Variants in FEM1B observed in about 807,000 individuals in gnomAD.
FEM1B encodes protein fem-1 homolog B.
FEM1B carries 10 observed loss-of-function variants against 38.6 expected under a neutral mutation model. The ratio of observed to expected loss-of-function variants is 0.26; its 90% confidence interval spans 0.16 to 0.44. The LOEUF (loss-of-function observed/expected upper bound fraction) is 0.44. Among genes scored for constraint, FEM1B ranks in the 20% least tolerant of loss-of-function variants. The pLI, the probability that FEM1B is intolerant of heterozygous loss-of-function variation, is 1.00. For missense variants in FEM1B, 471 were observed against 786.7 expected (o/e 0.60, Z 4.80); for synonymous variants, 288 against 288.0 (o/e 1.00, Z 0.00).
Position 68,295,030 on chromosome 15 carries a change from G to A in FEM1B, c.*3788G>A, listed in dbSNP as rs183415859. 6.6e-6 allele frequency: 1 copy of A among 152,102 alleles called. No individual in the cohort carries two copies. The highest frequency in any genetic ancestry group is 2.4e-5 in the African/African-American group (1 of 41,410). The allele number at this position is 152,102 out of a possible 1,614,324, so 9.4% of individuals were successfully genotyped here. On this transcript the variant is annotated 3_prime_UTR_variant, in exon 2 of 2. Coordinates refer to ENST00000306917, the MANE Select transcript of FEM1B (RefSeq NM_015322.5). Reference sequence around the variant, plus strand: ...ACTTGCCCAAATCTTTAGATGGGCTGGGTTATACAGCATGCCCTCCCCCAA... The same window carrying A: ...ACTTGCCCAAATCTTTAGATGGGCTAGGTTATACAGCATGCCCTCCCCCAA...
rs539758509 is a variant in FEM1B at position 68,285,373 on chromosome 15, T to C, written c.249-4234T>C. Among the ~76,000 whole-genome samples the C allele has an allele frequency of 2.0e-5, 3 of 152,360 alleles. No individual in the cohort carries two copies. The South Asian group carries it at 6.2e-4, about 32-fold the overall frequency. ...CATTTGCATTTAGTTATCTGGTATATATCAAGGAGTGGAATTGCTGGGTCA... is the reference window on the plus strand; with the variant it reads ...CATTTGCATTTAGTTATCTGGTATACATCAAGGAGTGGAATTGCTGGGTCA... On this transcript the variant is annotated intron_variant, in intron 1 of 1. Transcript: ENST00000306917.
chr15:68,278,750 C>T lies in FEM1B; in HGVS notation c.248+85C>T, dbSNP rs900960177. The T allele has an allele frequency of 6.6e-5, 99 of 1,508,800 alleles. No individual in the cohort carries two copies. Among genetic ancestry groups the T allele is most frequent in the Non-Finnish European group, 8.2e-5 (90 of 1,096,072 alleles). The allele number at this position is 1,508,800 out of a possible 1,614,324, so 93.5% of individuals were successfully genotyped here. ...CTCCCCTCCCTCACCCTCTCTTACC[C>T]TCTCTTCATGTAGGTACTCACTTCT... is the stretch of plus-strand genomic sequence containing the variant. On this transcript the variant is annotated intron_variant, in intron 1 of 1. Coordinates refer to ENST00000306917, the MANE Select transcript of FEM1B (RefSeq NM_015322.5). This position sits in a 1 kb window ranked among gnomAD's most constrained non-coding sequence, Gnocchi z 5.7.
At position 68,290,468 on chromosome 15, in the gene FEM1B, C is replaced by G; in HGVS notation, c.1110C>G (p.Ala370=). 3 of 1,614,086 alleles carry G rather than the reference C, an allele frequency of 1.9e-6. No individual in the cohort carries two copies. Among genetic ancestry groups the G allele is most frequent in the Non-Finnish European group, 2.5e-6 (3 of 1,179,998 alleles). ...FEQCIKLWLH[A]LHLRQKGNRN... is the part of the protein sequence containing the mutation. ...AGTGTATCAAGTTGTGGCTTCATGC[C>G]CTGCACCTCAGACAAAAAGGTAACA... Residue 370 remains alanine, a synonymous_variant, in exon 2 of 2, where the codon GCC becomes GCG. Coordinates refer to ENST00000306917, the MANE Select transcript of FEM1B (RefSeq NM_015322.5). The surrounding 1 kb of genome is among the most constrained non-coding windows in gnomAD (Gnocchi z 9.7).
At position 68,277,822 on chromosome 15, in the gene FEM1B, C is replaced by G. The variant is rs146502335; in HGVS notation, c.-596C>G. 1 of 152,298 alleles carries G rather than the reference C, an allele frequency of 6.6e-6. No individual in the cohort carries two copies. Among genetic ancestry groups the G allele is most frequent in the Non-Finnish European group, 1.5e-5 (1 of 68,070 alleles). The allele number at this position is 152,298 out of a possible 1,614,324, so 9.4% of individuals were successfully genotyped here. On this transcript the variant is annotated 5_prime_UTR_variant, in exon 1 of 2. Transcript: ENST00000306917. ...CGGCGCCGCTCTTGCGGGAGCGTTC[C>G]GCATCGCCCCGGGGGCCCCTACGCG...
chr15:68,286,782 A>G (rs1018124802), intron 1 of FEM1B, among the ~76,000 whole-genome samples: 1 of 138,156 alleles, frequency 7.2e-6, no homozygotes, highest in Non-Finnish European at 1.6e-5. Context: ...TTACATAATC[A>G]TGACAATAAA....
Position 68,286,757 on chromosome 15 carries a change from A to G in FEM1B, c.249-2850A>G, listed in dbSNP as rs116437536. Reference sequence around the variant, plus strand: ...AAGTGTTATTTTTTGACAATAAATAAATGTTTATTGAACTTTACATAATCA... The same window carrying G: ...AAGTGTTATTTTTTGACAATAAATAGATGTTTATTGAACTTTACATAATCA... On this transcript the variant is annotated intron_variant, in intron 1 of 1. Coordinates refer to ENST00000306917, the MANE Select transcript of FEM1B (RefSeq NM_015322.5). Among the ~76,000 whole-genome samples the G allele has an allele frequency of 1.6e-3, 245 of 152,022 alleles. 1 individual carries two copies. Among genetic ancestry groups the G allele is most frequent in the African/African-American group, 5.6e-3 (230 of 41,306 alleles).
At chr15:68,279,566 A>G (rs941137312) in intron 1 of FEM1B, among the ~76,000 whole-genome samples, 8 of 152,184 alleles carry the variant, frequency 5.3e-5, no homozygotes, top group Admixed American at 2.0e-4. Flanking sequence ...GTGGTAGTAC[A>G]TAAGCTATTT....
intron 1 of FEM1B, among the ~76,000 whole-genome samples, chr15:68,282,539 A>G (rs1892740137): frequency 6.6e-6 from 1 of 152,214 alleles, no homozygotes; most frequent in Non-Finnish European, 1.5e-5. Flanking sequence ...CAGCCTTGTG[A>G]TCAGAAATGT....
At position 68,281,758 on chromosome 15, in the gene FEM1B, C is replaced by T. The variant is rs1164639332; in HGVS notation, c.248+3093C>T. ...TCAGCCTCCCGAGTAGCTGGGACTACAGGTGCCCACAACCATGCCTGGCTA... is the reference window on the plus strand; with the variant it reads ...TCAGCCTCCCGAGTAGCTGGGACTATAGGTGCCCACAACCATGCCTGGCTA... On this transcript the variant is annotated intron_variant, in intron 1 of 1. Coordinates refer to ENST00000306917, the MANE Select transcript of FEM1B (RefSeq NM_015322.5). This position sits in a 1 kb window ranked among gnomAD's most constrained non-coding sequence, Gnocchi z 5.1. 6.6e-6 allele frequency among the ~76,000 whole-genome samples: 1 copy of T among 152,174 alleles called. No homozygotes were observed. The highest frequency in any genetic ancestry group is 1.5e-5 in the Non-Finnish European group (1 of 68,038).
rs1312424538 is a variant in FEM1B at position 68,278,589 on chromosome 15, C to T, written c.172C>T (p.His58Tyr). The T allele has an allele frequency of 6.2e-7, 1 of 1,614,132 alleles. No individual in the cohort carries two copies. The highest frequency in any genetic ancestry group is 8.5e-7 in the Non-Finnish European group (1 of 1,180,030). Residue 58 changes from histidine to tyrosine, a missense_variant, in exon 1 of 2, where the codon CAC becomes TAC. Around this residue, in one of 3 missense-constraint regions of FEM1B, gnomAD observed 91 missense variants for 169.6 expected, o/e 0.54. Coordinates refer to ENST00000306917, the MANE Select transcript of FEM1B (RefSeq NM_015322.5). The surrounding 1 kb of genome is among the most constrained non-coding windows in gnomAD (Gnocchi z 5.7). ...TPLIIAARNG[H>Y]AKVVRLLLEH... ...CCTCATCATCGCAGCCCGCAATGGA[C>T]ACGCAAAGGTGGTACGCTTGCTCTT...
rs1303203406 is a variant in FEM1B, at chr15:68,295,271, A to G, written c.*4029A>G. The G allele has an allele frequency of 6.6e-6, 1 of 152,158 alleles. No individual in the cohort carries two copies. The highest frequency in any genetic ancestry group is 2.4e-5 in the African/African-American group (1 of 41,406). 9.4% of individuals were successfully genotyped at this position (152,158 alleles called of 1,614,324 possible). On this transcript the variant is annotated 3_prime_UTR_variant, in exon 2 of 2. Transcript: ENST00000306917. ...TTACAGCTTTTATTCAGGGTGAGTC[A>G]TGTGATGAATGGCCTAATCAGAAAA...
At chr15:68,287,633 G>A (rs958373665) in intron 1 of FEM1B, among the ~76,000 whole-genome samples, 5 of 152,140 alleles carry the variant, frequency 3.3e-5, no homozygotes, top group African/African-American at 9.7e-5. Context: ...GTTCTGTGGT[G>A]TTATAACAAA....
chr15:68,278,375 T>G lies in FEM1B; in HGVS notation c.-43T>G. 1 of 1,585,382 alleles carries G rather than the reference T, an allele frequency of 6.3e-7. No homozygotes were observed. ...GCGGCCTCCGGGGGCGCACGGCAGC[T>G]GCAGCGGTGGCGACCAAACGGGTGT... On this transcript the variant is annotated 5_prime_UTR_variant, in exon 1 of 2. Coordinates refer to ENST00000306917, the MANE Select transcript of FEM1B (RefSeq NM_015322.5). This position sits in a 1 kb window ranked among gnomAD's most constrained non-coding sequence, Gnocchi z 5.7.
At chr15:68,279,518 C>T (rs534920624) in intron 1 of FEM1B, among the ~76,000 whole-genome samples, 195 of 152,260 alleles carry the variant, frequency 1.3e-3, no homozygotes, top group African/African-American at 4.5e-3. Flanking sequence ...CAGATTACAA[C>T]TGTATAACGA....
In FEM1B at chr15:68,288,011, G is replaced by A. The variant is rs543124225; in HGVS notation, c.249-1596G>A. On this transcript the variant is annotated intron_variant, in intron 1 of 1. Coordinates refer to ENST00000306917, the MANE Select transcript of FEM1B (RefSeq NM_015322.5). This position sits in a 1 kb window ranked among gnomAD's most constrained non-coding sequence, Gnocchi z 4.6. Reference sequence around the variant, plus strand: ...TGCCCGGCTAATTTCTGTATTTTTGGTAGAGATGGGGTTTCACCATGTTGG... The same window carrying A: ...TGCCCGGCTAATTTCTGTATTTTTGATAGAGATGGGGTTTCACCATGTTGG... Among the ~76,000 whole-genome samples the A allele has an allele frequency of 2.6e-5, 4 of 151,866 alleles. No individual in the cohort carries two copies. In the South Asian group the frequency reaches 8.3e-4, roughly 32 times the overall value.
chr15:68,289,045 G>A lies in FEM1B; in HGVS notation c.249-562G>A, dbSNP rs184597238. On this transcript the variant is annotated intron_variant, in intron 1 of 1. Coordinates refer to ENST00000306917, the MANE Select transcript of FEM1B (RefSeq NM_015322.5). This position sits in a 1 kb window ranked among gnomAD's most constrained non-coding sequence, Gnocchi z 6.9. ...TCTCAGCATCAGGTTTATGTTATCTGTTCATATTGTGTGTGGAGCAGTAAT... is the reference window on the plus strand; with the variant it reads ...TCTCAGCATCAGGTTTATGTTATCTATTCATATTGTGTGTGGAGCAGTAAT... Among the ~76,000 whole-genome samples the A allele has an allele frequency of 6.6e-6, 1 of 152,170 alleles. No individual in the cohort carries two copies. Among genetic ancestry groups the A allele is most frequent in the Non-Finnish European group, 1.5e-5 (1 of 68,030 alleles).
chr15:68,278,390 C>T lies in FEM1B; in HGVS notation c.-28C>T, dbSNP rs1480414529. On this transcript the variant is annotated 5_prime_UTR_variant, in exon 1 of 2. The change creates a premature stop within an existing upstream ORF in the 5' untranslated region. Transcript: ENST00000306917. This position sits in a 1 kb window ranked among gnomAD's most constrained non-coding sequence, Gnocchi z 5.7. Reference sequence around the variant, plus strand: ...GCACGGCAGCTGCAGCGGTGGCGACCAAACGGGTGTTGGAGTTGGCGGCGG... The same window carrying T: ...GCACGGCAGCTGCAGCGGTGGCGACTAAACGGGTGTTGGAGTTGGCGGCGG... 2.5e-6 allele frequency: 4 copies of T among 1,598,492 alleles called. No individual in the cohort carries two copies. Among genetic ancestry groups the T allele is most frequent in the South Asian group, 1.1e-5 (1 of 89,664 alleles).
intron 1 of FEM1B, among the ~76,000 whole-genome samples, chr15:68,287,321 T>G (rs1258410970): frequency 6.6e-6 from 1 of 152,222 alleles, no homozygotes; most frequent in Non-Finnish European, 1.5e-5. Flanking sequence ...GCAGAGGTCT[T>G]AAGTATGCAG....
chr15:68,290,360 G>T lies in FEM1B; in HGVS notation c.1002G>T (p.Arg334=), dbSNP rs1165269005. Residue 334 remains arginine (R), a synonymous_variant, in exon 2 of 2, where the codon CGG becomes CGT. Coordinates refer to ENST00000306917, the MANE Select transcript of FEM1B (RefSeq NM_015322.5). The surrounding 1 kb of genome is among the most constrained non-coding windows in gnomAD (Gnocchi z 9.7). The part of the protein sequence containing the change: ...LHMEGLIVRE[R]ILGADNIDVS... ...TGGAAGGCCTTATAGTTCGGGAACG[G>T]ATTTTAGGTGCTGACAATATTGATG... is the stretch of plus-strand genomic sequence containing the variant. 3 of 1,614,198 alleles carry T rather than the reference G, an allele frequency of 1.9e-6. No homozygotes were observed. The highest frequency in any genetic ancestry group is 2.5e-6 in the Non-Finnish European group (3 of 1,180,042).
Sources: gnomAD v4.1 joint callset for allele counts (sites outside exome capture counted in the v4.1 genomes callset) on GRCh38, gnomAD v4.1.1 for gene constraint, gnomAD v4.1.1 regional missense constraint, Gnocchi (gnomAD v3.1) non-coding constraint, MANE v1.5 for transcripts, NCBI Gene and HGNC (gene_info 2026-07-23, HGNC 2026-07-21) for gene names.